Variants in TK2 observed in about 807,000 individuals in gnomAD.
TK2 encodes the protein thymidine kinase 2, mitochondrial.
Under a neutral mutation model 41.9 loss-of-function variants are expected in TK2, and 35 were observed. The ratio of observed to expected loss-of-function variants is 0.84; its 90% CI spans 0.64 to 1.11. The LOEUF is 1.11. Ranked by LOEUF, TK2 falls within the 50% of genes least tolerant of loss-of-function variation. The pLI, the probability that TK2 is intolerant of heterozygous loss-of-function variation, is 0.00. For synonymous variants in TK2, 128 were observed against 129.1 expected, an observed-to-expected ratio of 0.99 and a Z score of 0.06; for missense variants, 320 against 351.1, an observed-to-expected ratio of 0.91 and a Z score of 0.71.
chr16:66,526,208 G>A (rs1284064582), intron 6 of TK2, among the ~76,000 whole-genome samples: 1 of 152,194 alleles, frequency 6.6e-6, no homozygotes, highest in Admixed American at 6.5e-5. Flanking sequence ...TAAAGACCAA[G>A]GTGGGCAAGG....
At chr16:66,537,844 C>T (rs1567537361) in intron 3 of TK2, among the ~76,000 whole-genome samples, 1 of 152,154 alleles carries the variant, frequency 6.6e-6, no homozygotes, top group Non-Finnish European at 1.5e-5. Context: ...AGACCAATGG[C>T]AGGCAATGCA....
At chr16:66,521,113 C>T (rs955191638) in intron 6 of TK2, among the ~76,000 whole-genome samples, 1 of 152,224 alleles carries the variant, frequency 6.6e-6, no homozygotes, top group African/African-American at 2.4e-5. Context: ...TCTGTCCAAT[C>T]CCAGAGCTGG....
chr16:66,522,732 G>A (rs1171352340), intron 6 of TK2, among the ~76,000 whole-genome samples: 1 of 152,110 alleles, frequency 6.6e-6, no homozygotes, highest in Non-Finnish European at 1.5e-5. Context: ...CGGGCGTTGT[G>A]GCACATGACT....
At chr16:66,529,161 C>G in intron 5 of TK2, 94 bp from the exon 6 acceptor site, 2 of 1,185,700 alleles carry the variant, frequency 1.7e-6, no homozygotes, top group Non-Finnish European at 2.5e-6. Context: ...TGCCTGGGGA[C>G]TTTGCTGAAT....
intron 3 of TK2, among the ~76,000 whole-genome samples, chr16:66,539,551 A>C (rs1965391720): frequency 6.8e-6 from 1 of 146,340 alleles, no homozygotes; most frequent in African/African-American, 2.5e-5. Context: ...CAGTGAGCCG[A>C]GATCATGCCA....
chr16:66,549,844 G>C, intron 1 of TK2, 94 bp downstream of exon 1: 1 of 1,283,766 alleles, frequency 7.8e-7, no homozygotes, highest in Non-Finnish European at 9.8e-7. Context: ...CTCGGAAGAG[G>C]CGCTTCGGGC....
At chr16:66,526,538 C>G (rs1488615997) in intron 6 of TK2, among the ~76,000 whole-genome samples, 2 of 152,158 alleles carry the variant, frequency 1.3e-5, no homozygotes, top group African/African-American at 2.4e-5. Context: ...TCGCTTGAGC[C>G]CAGGAGTTTG....
Position 66,531,492 on chromosome 16 carries a change from C to A in TK2, c.286-23G>T, listed in dbSNP as rs776674821. On this transcript the variant is annotated intron_variant, in intron 4 of 9. Transcript: ENST00000544898. ...GCCCTGCAGAAGGGAAAACACAGCA[C>A]TTTCCATCAAAGTGGCATCTGCAGG... 24 of 1,612,590 alleles carry A rather than the reference C, an allele frequency of 1.5e-5. No individual in the cohort carries two copies. The Admixed American group carries it at 4.0e-4, about 27-fold the overall frequency.
intron 5 of TK2, among the ~76,000 whole-genome samples, chr16:66,529,393 GC>G (rs2144401961): frequency 6.6e-6 from 1 of 152,366 alleles, no homozygotes; most frequent in South Asian, 2.1e-4. Context: ...ACACGGTCAA[GC>G]CCTGGAGAAA....
chr16:66,525,559 T>C (rs1034363555), intron 6 of TK2, among the ~76,000 whole-genome samples: 2 of 152,118 alleles, frequency 1.3e-5, no homozygotes, highest in Non-Finnish European at 2.9e-5. Context: ...TGAAAGGGTC[T>C]GAGGAACACC....
intron 2 of TK2, among the ~76,000 whole-genome samples, chr16:66,547,726 C>T (rs1397772702): frequency 6.6e-6 from 1 of 152,104 alleles, no homozygotes; most frequent in East Asian, 1.9e-4. Context: ...CCGCAGACTC[C>T]CAAATGTCAG....
chr16:66,529,100 A>G (rs778691034), intron 5 of TK2, 33 bp from the exon 6 acceptor site: 2 of 1,604,608 alleles, frequency 1.2e-6, no homozygotes, highest in South Asian at 2.2e-5. Flanking sequence ...TCACTAACTC[A>G]GGGGAAAAGG....
chr16:66,549,505 C>T (rs1404420570), intron 1 of TK2: 2 of 1,036,210 alleles, frequency 1.9e-6, no homozygotes, highest in East Asian at 1.7e-4. Flanking sequence ...TGACCCGTTT[C>T]TGTGTGGGTC....
At chr16:66,522,996 C>T (rs1457773685) in intron 6 of TK2, among the ~76,000 whole-genome samples, 1 of 152,228 alleles carries the variant, frequency 6.6e-6, no homozygotes, top group Non-Finnish European at 1.5e-5. Context: ...CCCAACCTCG[C>T]CAGGGTAGAC....
chr16:66,528,861 A>G, intron 6 of TK2, 133 bp downstream of exon 6: 1 of 838,060 alleles, frequency 1.2e-6, no homozygotes, highest in Non-Finnish European at 2.0e-6. Context: ...TGTTTGTTAC[A>G]CCGCATTGCT....
Position 66,528,991 on chromosome 16 carries a change from T to C in TK2, c.449+3A>G. On this transcript the variant is annotated splice_donor_region_variant and intron_variant, in intron 6 of 9. Coordinates refer to ENST00000544898, the MANE Select transcript of TK2 (RefSeq NM_004614.5). Reference sequence around the variant, plus strand: ...AAATTATCAACTATTCAAACTACAGTACCTTCTATACAGGTTTTCTACAAA... The same window carrying C: ...AAATTATCAACTATTCAAACTACAGCACCTTCTATACAGGTTTTCTACAAA... The C allele has an allele frequency of 6.2e-7, 1 of 1,613,838 alleles. No individual in the cohort carries two copies. The highest frequency in any genetic ancestry group is 1.1e-5 in the South Asian group (1 of 91,080).
chr16:66,537,537 G>A (rs1965325117), intron 3 of TK2, among the ~76,000 whole-genome samples: 2 of 152,198 alleles, frequency 1.3e-5, no homozygotes, highest in African/African-American at 4.8e-5. Context: ...TCACTGGTTT[G>A]GAGGCATTCT....
At chr16:66,516,086 T>C (rs577028362) in intron 8 of TK2, among the ~76,000 whole-genome samples, 97 of 151,092 alleles carry the variant, frequency 6.4e-4, no homozygotes, top group African/African-American at 2.3e-3. Context: ...TAAGACCCAA[T>C]CTTAAAAAGC....
At chr16:66,544,844 T>G (rs1250019593) in intron 2 of TK2, among the ~76,000 whole-genome samples, 17 of 152,202 alleles carry the variant, frequency 1.1e-4, no homozygotes, top group Admixed American at 1.1e-3. Flanking sequence ...TCCCAGCATT[T>G]TGGGAGGCCG....
Sources: allele counts gnomAD v4.1 joint callset (sites outside exome capture counted in the v4.1 genomes callset), GRCh38; gene constraint gnomAD v4.1.1; transcripts MANE v1.5; gene names NCBI Gene and HGNC (gene_info 2026-07-23, HGNC 2026-07-21).